Variants in SLC7A14 observed in about 807,000 individuals in gnomAD.
The protein encoded by SLC7A14 is gamma-aminobutyric acid transporter SLC7A14.
In SLC7A14, 37 loss-of-function variants were observed where a neutral mutation model predicts 60.2. The ratio of observed to expected loss-of-function variants is 0.61; its 90% CI spans 0.47 to 0.81. The LOEUF (loss-of-function observed/expected upper bound fraction) is 0.81. SLC7A14 is among the 30% of genes least tolerant of loss of function. The pLI, the probability that SLC7A14 is intolerant of heterozygous loss-of-function variation, is 0.00. For synonymous variants in SLC7A14, 399 were observed against 395.8 expected, an observed-to-expected ratio of 1.01 and a Z score of -0.10; for missense variants, 886 against 982.7, an observed-to-expected ratio of 0.90 and a Z score of 1.32.
chr3:170,495,354 T>C (rs1712350284), intron 4 of SLC7A14, among the ~76,000 whole-genome samples: 1 of 152,200 alleles, frequency 6.6e-6, no homozygotes. Context: ...ACAATGAAAA[T>C]GCAACTGAGG....
chr3:170,576,441 CTT>C (rs1165567755), intron 1 of SLC7A14, among the ~76,000 whole-genome samples: 1 of 152,214 alleles, frequency 6.6e-6, no homozygotes, highest in Non-Finnish European at 1.5e-5. Context: ...TGCTGGGAAT[CTT>C]TGCCCCTGCA....
In SLC7A14 at chr3:170,460,508, T is replaced by G. The variant is rs1014789849; in HGVS notation, c.*6547A>C. 1 of 152,184 alleles carries G rather than the reference T, an allele frequency of 6.6e-6. No homozygotes were observed. The highest frequency in any genetic ancestry group is 6.5e-5 in the Admixed American group (1 of 15,280). The allele number at this position is 152,184 out of a possible 1,614,324, so 9.4% of individuals were successfully genotyped here. A position where few individuals can be genotyped will look rare whatever the true frequency, so the allele number is the denominator to read the frequency against. On this transcript the variant is annotated 3_prime_UTR_variant, in exon 8 of 8. Transcript: ENST00000231706. ...AAATCCTCGCCTTTGGGAGTGTGAA[T>G]GAGACAAGCGTATCAGCAACTGCCA...
intron 7 of SLC7A14, among the ~76,000 whole-genome samples, chr3:170,470,290 G>A (rs995893435): frequency 7.0e-6 from 1 of 142,252 alleles, no homozygotes; most frequent in Admixed American, 7.2e-5. Flanking sequence ...TTTGGGAGTG[G>A]CCAGGCCTGG....
chr3:170,487,286 C>A (rs1712066063), intron 4 of SLC7A14, among the ~76,000 whole-genome samples: 1 of 150,312 alleles, frequency 6.7e-6, no homozygotes, highest in South Asian at 2.2e-4. Flanking sequence ...TTTGAAAGAA[C>A]CTATTGAAGT....
chr3:170,495,758 C>T (rs1036426444), intron 4 of SLC7A14: 98 of 1,180,798 alleles, frequency 8.3e-5, no homozygotes, highest in African/African-American at 4.5e-5. Context: ...CCTCCTTCAT[C>T]GACAAGGTAC....
At chr3:170,505,343 G>A (rs1053643617) in intron 2 of SLC7A14, among the ~76,000 whole-genome samples, 5 of 152,168 alleles carry the variant, frequency 3.3e-5, no homozygotes, top group Non-Finnish European at 5.9e-5. Flanking sequence ...AACAACTGAC[G>A]ACTTCGTTGC....
At chr3:170,569,796 G>C (rs1280807165) in intron 1 of SLC7A14, among the ~76,000 whole-genome samples, 2 of 152,120 alleles carry the variant, frequency 1.3e-5, no homozygotes, top group African/African-American at 2.4e-5. Context: ...GTTTATTTGT[G>C]TAGAGGTGTT....
intron 1 of SLC7A14, among the ~76,000 whole-genome samples, chr3:170,571,563 G>A (rs1714956232): frequency 6.6e-6 from 1 of 152,006 alleles, no homozygotes; most frequent in Admixed American, 6.6e-5. Context: ...GAGGCAATTG[G>A]GACTTCATAT....
chr3:170,542,768 A>T (rs562890199), intron 1 of SLC7A14, among the ~76,000 whole-genome samples: 1 of 152,198 alleles, frequency 6.6e-6, no homozygotes, highest in African/African-American at 2.4e-5. Context: ...CTTTAGTATA[A>T]GAAGATTTCA....
chr3:170,467,449 C>CTGAAGGTGATCTCT, intron 7 of SLC7A14, 72 bp from the exon 8 acceptor site: 1 of 1,174,080 alleles, frequency 8.5e-7, no homozygotes, highest in Non-Finnish European at 1.1e-6. Context: ...AGAGAGATCA[C>CTGAAGGTGATCTCT]CTTCAGTGAT....
chr3:170,517,802 G>A (rs1306825781), intron 2 of SLC7A14, among the ~76,000 whole-genome samples: 1 of 152,172 alleles, frequency 6.6e-6, no homozygotes, highest in Non-Finnish European at 1.5e-5. Flanking sequence ...GGATCACGAG[G>A]TGCCAAAGAT....
intron 7 of SLC7A14, among the ~76,000 whole-genome samples, chr3:170,470,308 A>ATG (rs60682275): frequency 0.032 from 4,548 of 143,648 alleles, 90 homozygotes; most frequent in African/African-American, 0.034. Context: ...TGGAAGGAAC[A>ATG]TGTGTGTGTG....
intron 1 of SLC7A14, among the ~76,000 whole-genome samples, chr3:170,533,219 C>G (rs1361998052): frequency 6.6e-6 from 1 of 152,180 alleles, no homozygotes; most frequent in Admixed American, 6.5e-5. Context: ...TGCACCATAA[C>G]TGGGGATGTG....
chr3:170,579,120 A>G (rs1715172597), intron 1 of SLC7A14, among the ~76,000 whole-genome samples: 1 of 152,188 alleles, frequency 6.6e-6, no homozygotes, highest in African/African-American at 2.4e-5. Context: ...AGACTAAACA[A>G]GTTTTCATGA....
chr3:170,575,988 A>C (rs1419890928), intron 1 of SLC7A14, among the ~76,000 whole-genome samples: 1 of 152,178 alleles, frequency 6.6e-6, no homozygotes. Context: ...GTCAGCCTGC[A>C]CTTGTATCAT....
intron 4 of SLC7A14, among the ~76,000 whole-genome samples, chr3:170,488,131 T>G (rs901770517): frequency 2.6e-5 from 4 of 152,212 alleles, no homozygotes; most frequent in Admixed American, 1.3e-4. Context: ...TTTGAATTCG[T>G]GTGTAATTAG....
rs1049799967 is a variant in SLC7A14 at position 170,527,103 on chromosome 3, C to G, written c.-152-15G>C. 3.2e-5 allele frequency: 22 copies of G among 697,914 alleles called. No homozygotes were observed. Among genetic ancestry groups the G allele is most frequent in the Non-Finnish European group, 5.1e-5 (22 of 427,190 alleles). The allele number at this position is 697,914 out of a possible 1,614,324, so 43.2% of individuals were successfully genotyped here. ...GGCATGAATGTCTGCAGGAAAAACA[C>G]AAGAAAGCAGAAGATGAGACCGAGT... On this transcript the variant is annotated splice_polypyrimidine_tract_variant and intron_variant, in intron 1 of 7. Transcript: ENST00000231706.
chr3:170,468,950 T>A (rs2108262712), intron 7 of SLC7A14, among the ~76,000 whole-genome samples: 1 of 152,298 alleles, frequency 6.6e-6, no homozygotes, highest in East Asian at 1.9e-4. Flanking sequence ...ATTTAATTAG[T>A]CTGCAGTATA....
intron 1 of SLC7A14, among the ~76,000 whole-genome samples, chr3:170,576,683 A>C (rs1336336700): frequency 6.6e-6 from 1 of 152,192 alleles, no homozygotes; most frequent in Non-Finnish European, 1.5e-5. Flanking sequence ...CAGGAACAGC[A>C]CATTACTTAG....
Sources: allele counts gnomAD v4.1 joint callset (sites outside exome capture counted in the v4.1 genomes callset), GRCh38; gene constraint gnomAD v4.1.1; transcripts MANE v1.5; gene names NCBI Gene and HGNC (gene_info 2026-07-23, HGNC 2026-07-21).